KLF17: variants seen among roughly 807,000 people sequenced by gnomAD.
KLF17 encodes the protein KLF transcription factor 17, also known as Krueppel-like factor 17.
Under a neutral mutation model 34.2 loss-of-function variants are expected in KLF17, and 31 were observed. The ratio of observed to expected loss-of-function variants is 0.91; its 90% CI spans 0.68 to 1.22. KLF17 has a LOEUF of 1.22. Among genes scored for constraint, KLF17 ranks in the 50% most tolerant of loss-of-function variants. KLF17 has a pLI of 0.00. For synonymous variants in KLF17, 179 were observed against 186.7 expected (o/e 0.96, Z 0.34); for missense variants, 478 against 505.2 (o/e 0.95, Z 0.52).
chr1:44,108,660 C>T, the KLF17 span, among the ~76,000 whole-genome samples: 8 of 75,340 alleles, frequency 1.1e-4, no homozygotes, highest in Non-Finnish European at 1.4e-4. Flanking sequence ...TTTGTTAGCT[C>T]TTTTTTTTTT....
At chr1:44,075,588 C>T in the KLF17 span, among the ~76,000 whole-genome samples, 9 of 152,076 alleles carry the variant, frequency 5.9e-5, no homozygotes, top group African/African-American at 1.7e-4. Flanking sequence ...CCTTGAAGTC[C>T]GTCATTTTCT....
the KLF17 span, among the ~76,000 whole-genome samples, chr1:44,082,508 C>T: frequency 6.6e-6 from 1 of 152,110 alleles, no homozygotes; most frequent in Non-Finnish European, 1.5e-5. Flanking sequence ...TTGTGTATGT[C>T]CCCAGGCTTC....
chr1:44,079,926 C>CT, the KLF17 span, among the ~76,000 whole-genome samples: 6,139 of 144,562 alleles, frequency 0.042, 179 homozygotes, highest in Admixed American at 0.11. Context: ...CCCTCCATGT[C>CT]TTTTTTTTTT....
chr1:44,098,470 TTTA>T, the KLF17 span, among the ~76,000 whole-genome samples: 4 of 133,296 alleles, frequency 3.0e-5, no homozygotes, highest in African/African-American at 1.1e-4. Flanking sequence ...TCTTCTGATC[TTTA>T]TTATTATTTT....
chr1:44,099,861 GAAAGAAA>G, the KLF17 span, among the ~76,000 whole-genome samples: 1 of 100,712 alleles, frequency 9.9e-6, no homozygotes, highest in Non-Finnish European at 2.0e-5. Flanking sequence ...AAGAAAGAAA[GAAAGAAA>G]GAAAGAAAGA....
At chr1:44,068,094 G>C in the KLF17 span, among the ~76,000 whole-genome samples, 4 of 151,210 alleles carry the variant, frequency 2.6e-5, no homozygotes, top group Non-Finnish European at 2.9e-5. Context: ...GTGTGATCTC[G>C]GCTCACTATA....
At chr1:44,123,334 C>T (rs2087971347) in intron 1 of KLF17, among the ~76,000 whole-genome samples, 1 of 152,172 alleles carries the variant, frequency 6.6e-6, no homozygotes, top group African/African-American at 2.4e-5. Context: ...AATGCTCAGC[C>T]TGTAACAGTC....
chr1:44,083,499 A>G, the KLF17 span, among the ~76,000 whole-genome samples: 1 of 152,142 alleles, frequency 6.6e-6, no homozygotes, highest in African/African-American at 2.4e-5. Context: ...CTAAAAGCTC[A>G]TGAAATAGGC....
the KLF17 span, chr1:44,103,825 G>T: frequency 1.2e-6 from 1 of 805,554 alleles, no homozygotes. Context: ...GTCTCAGCCT[G>T]GAGCCCACTG....
chr1:44,126,197 T>C (rs1205952166), intron 1 of KLF17, among the ~76,000 whole-genome samples: 1 of 152,140 alleles, frequency 6.6e-6, no homozygotes, highest in Non-Finnish European at 1.5e-5. Flanking sequence ...CTAATTTTTT[T>C]GTATTTTTAG....
the KLF17 span, chr1:44,044,011 G>C: frequency 1.7e-3 from 256 of 152,694 alleles, 1 homozygote; most frequent in Middle Eastern, 3.4e-3. Context: ...CAGGGGCCTT[G>C]GTAGGTGCCA....
intron 3 of KLF17, among the ~76,000 whole-genome samples, chr1:44,132,840 A>C (rs976235509): frequency 6.6e-6 from 1 of 152,188 alleles, no homozygotes; most frequent in Non-Finnish European, 1.5e-5. Context: ...CAAACCAGCC[A>C]GGTAGTTTAG....
the KLF17 span, chr1:44,103,358 C>A: frequency 1.3e-6 from 1 of 747,568 alleles, no homozygotes; most frequent in Non-Finnish European, 2.4e-6. Flanking sequence ...ACACCGGCTT[C>A]CCGTTGCAGG....
At chr1:44,080,326 C>T in the KLF17 span, among the ~76,000 whole-genome samples, 1 of 150,876 alleles carries the variant, frequency 6.6e-6, no homozygotes, top group Non-Finnish European at 1.5e-5. Flanking sequence ...GCAAGCCCCG[C>T]CTCCCGGGTT....
In KLF17 at chr1:44,129,556, G is replaced by T. The variant is rs200239795; in HGVS notation, c.285G>T (p.Glu95Asp). The part of the protein sequence containing the change: ...GGPQFSMPLP[E>D]RGMSYCPQAT... ...CACAGTTCAGTATGCCACTGCCTGAGCGTGGTATGAGCTACTGCCCCCAAG... is the reference window on the plus strand; with the variant it reads ...CACAGTTCAGTATGCCACTGCCTGATCGTGGTATGAGCTACTGCCCCCAAG... The change falls in exon 2 of 4, where the codon GAG becomes GAT. Residue 95 changes from glutamate to aspartate, a missense_variant. Transcript: ENST00000372299. 1.9e-6 allele frequency: 3 copies of T among 1,613,908 alleles called. No individual in the cohort carries two copies. Among genetic ancestry groups the T allele is most frequent in the Non-Finnish European group, 2.5e-6 (3 of 1,179,950 alleles).
the KLF17 span, chr1:44,104,769 T>C: frequency 3.9e-6 from 1 of 255,192 alleles, no homozygotes; most frequent in South Asian, 6.0e-5. Context: ...TTGAGAAATA[T>C]ATTGTGATAT....
the KLF17 span, among the ~76,000 whole-genome samples, chr1:44,080,072 G>T: frequency 6.6e-6 from 1 of 151,770 alleles, no homozygotes; most frequent in African/African-American, 2.4e-5. Context: ...GGGATTACAG[G>T]TGCGTGCCAC....
intron 3 of KLF17, 30 bp downstream of exon 3, chr1:44,130,786 C>CTTTTTCCT (rs543264945): frequency 4.4e-6 from 7 of 1,606,806 alleles, no homozygotes; most frequent in Admixed American, 3.4e-5. Context: ...TCTGGGTTTT[C>CTTTTTCCT]TTTTTCCTTT....
chr1:44,101,894 A>C, the KLF17 span, among the ~76,000 whole-genome samples: 33 of 151,990 alleles, frequency 2.2e-4, no homozygotes, highest in Non-Finnish European at 3.5e-4. Context: ...AACAAACAAA[A>C]CCCACAAAAA....
Sources: gnomAD v4.1 joint callset for allele counts (sites outside exome capture counted in the v4.1 genomes callset) on GRCh38, gnomAD v4.1.1 for gene constraint, MANE v1.5 for transcripts, NCBI Gene and HGNC (gene_info 2026-07-23, HGNC 2026-07-21) for gene names.